Variants in KCNN2 observed in about 807,000 individuals in gnomAD.
KCNN2 encodes potassium calcium-activated channel subfamily N member 2.
In KCNN2, 24 loss-of-function variants were observed where a neutral mutation model predicts 55.5. The ratio of observed to expected loss-of-function variants is 0.43; its 90% confidence interval spans 0.31 to 0.61. The LOEUF (loss-of-function observed/expected upper bound fraction) is 0.61. Among genes scored for constraint, KCNN2 ranks in the 20% least tolerant of loss-of-function variants. KCNN2 has a pLI of 0.08. For missense variants in KCNN2, 754 were observed against 853.6 expected, an observed-to-expected ratio of 0.88 and a Z score of 1.45; for synonymous variants, 431 against 336.1, an observed-to-expected ratio of 1.28 and a Z score of -3.09.
chr5:114,290,994 T>G (rs1755875302), intron 2 of KCNN2, among the ~76,000 whole-genome samples: 1 of 152,088 alleles, frequency 6.6e-6, no homozygotes, highest in Admixed American at 6.5e-5. Flanking sequence ...TTTGGCGGCC[T>G]GACATATGGT....
intron 2 of KCNN2, among the ~76,000 whole-genome samples, chr5:114,248,098 C>T (rs1008663811): frequency 2.6e-5 from 4 of 152,140 alleles, no homozygotes; most frequent in Non-Finnish European, 5.9e-5. Context: ...CAGGTCATGT[C>T]GACCTACTTG....
intron 2 of KCNN2, among the ~76,000 whole-genome samples, chr5:114,352,840 C>T (rs959686575): frequency 2.0e-5 from 3 of 151,772 alleles, no homozygotes; most frequent in African/African-American, 4.8e-5. Flanking sequence ...TCCTTGTGCA[C>T]GTGAGAAAAA....
chr5:114,409,948 A>G (rs1179540546), intron 3 of KCNN2, among the ~76,000 whole-genome samples: 2 of 152,136 alleles, frequency 1.3e-5, no homozygotes, highest in Non-Finnish European at 2.9e-5. Context: ...TCTGTGGCCT[A>G]CATTTGTTAA....
chr5:114,484,308 A>C (rs894651223), intron 5 of KCNN2, among the ~76,000 whole-genome samples: 14 of 152,116 alleles, frequency 9.2e-5, no homozygotes, highest in Non-Finnish European at 2.1e-4. Flanking sequence ...GATACAAAGG[A>C]AACTTTCCCT....
At chr5:114,145,513 G>A (rs1752379317) in intron 1 of KCNN2, among the ~76,000 whole-genome samples, 1 of 152,210 alleles carries the variant, frequency 6.6e-6, no homozygotes, top group Admixed American at 6.5e-5. Flanking sequence ...AGAGTGACCA[G>A]ATGGTAGTGT....
intron 3 of KCNN2, among the ~76,000 whole-genome samples, chr5:114,436,607 G>A (rs1026355107): frequency 2.0e-5 from 3 of 152,074 alleles, no homozygotes; most frequent in Admixed American, 6.5e-5. Context: ...TTTTCCTCAC[G>A]ATACTTTGTT....
At chr5:114,302,890 A>T (rs1367485876) in intron 2 of KCNN2, among the ~76,000 whole-genome samples, 5 of 152,232 alleles carry the variant, frequency 3.3e-5, no homozygotes, top group Non-Finnish European at 7.3e-5. Context: ...TAGGAGAGAG[A>T]TAACACAAGC....
chr5:114,179,499 G>T (rs1753200091), intron 1 of KCNN2, among the ~76,000 whole-genome samples: 1 of 152,190 alleles, frequency 6.6e-6, no homozygotes. Flanking sequence ...TAGAGGCACA[G>T]GGTCAAGAAC....
At chr5:114,494,479 T>C (rs1333922293) in intron 7 of KCNN2, among the ~76,000 whole-genome samples, 2 of 151,316 alleles carry the variant, frequency 1.3e-5, no homozygotes, top group East Asian at 1.9e-4. Context: ...AGCACACATA[T>C]AAAAAGTATG....
At chr5:114,381,135 A>C (rs1758112438) in intron 2 of KCNN2, among the ~76,000 whole-genome samples, 2 of 152,244 alleles carry the variant, frequency 1.3e-5, no homozygotes, top group African/African-American at 4.8e-5. Context: ...CAATCTAATA[A>C]GCTAATAATA....
chr5:114,328,256 G>A (rs1480926943), intron 2 of KCNN2, among the ~76,000 whole-genome samples: 2 of 152,028 alleles, frequency 1.3e-5, no homozygotes, highest in African/African-American at 4.8e-5. Flanking sequence ...ATCATTCTTA[G>A]GACTCTACCC....
At chr5:114,164,620 T>A in intron 1 of KCNN2, among the ~76,000 whole-genome samples, 1 of 152,020 alleles carries the variant, frequency 6.6e-6, no homozygotes, top group East Asian at 1.9e-4. Context: ...ATACAACACA[T>A]CCTAAGGAAG....
chr5:114,281,158 A>G (rs372326994), intron 2 of KCNN2, among the ~76,000 whole-genome samples: 1 of 152,120 alleles, frequency 6.6e-6, no homozygotes, highest in African/African-American at 2.4e-5. Context: ...ACAAGGAAAT[A>G]TGCTTAACAT....
chr5:114,252,342 T>G (rs983645336), intron 2 of KCNN2, among the ~76,000 whole-genome samples: 1 of 152,206 alleles, frequency 6.6e-6, no homozygotes, highest in Non-Finnish European at 1.5e-5. Context: ...AGAGACTCCC[T>G]CAGATGAGAT....
At chr5:114,102,840 C>G (rs1308078936) in intron 1 of KCNN2, among the ~76,000 whole-genome samples, 4 of 152,120 alleles carry the variant, frequency 2.6e-5, no homozygotes, top group Non-Finnish European at 1.5e-5. Context: ...GTTACTGTAG[C>G]CTTGTAGTGT....
chr5:114,489,983 C>G (rs1747769656), intron 6 of KCNN2, among the ~76,000 whole-genome samples: 1 of 152,214 alleles, frequency 6.6e-6, no homozygotes. Context: ...CTCTGTTTCT[C>G]TTTTCCAAAC....
intron 2 of KCNN2, among the ~76,000 whole-genome samples, chr5:114,398,082 C>T (rs935650539): frequency 6.6e-6 from 1 of 152,096 alleles, no homozygotes; most frequent in Non-Finnish European, 1.5e-5. Flanking sequence ...CTTTTGGTGT[C>T]TTCATCATGA....
intron 3 of KCNN2, among the ~76,000 whole-genome samples, chr5:114,413,115 A>T (rs2150075860): frequency 1.3e-5 from 2 of 152,316 alleles, no homozygotes; most frequent in South Asian, 4.1e-4. Flanking sequence ...GCAGTTTGAA[A>T]GCATTCATCC....
intron 5 of KCNN2, among the ~76,000 whole-genome samples, chr5:114,485,505 A>C (rs560735470): frequency 2.0e-4 from 30 of 152,300 alleles, no homozygotes; most frequent in African/African-American, 6.7e-4. Context: ...AGATGAAAAA[A>C]GCTTCTGAAA....
Sources: allele counts gnomAD v4.1 joint callset (sites outside exome capture counted in the v4.1 genomes callset), GRCh38; gene constraint gnomAD v4.1.1; transcripts MANE v1.5; gene names NCBI Gene and HGNC (gene_info 2026-07-23, HGNC 2026-07-21).